CDCA2: variants seen among roughly 807,000 people sequenced by gnomAD.
CDCA2 encodes cell division cycle-associated protein 2.
A neutral mutation model predicts 67.0 loss-of-function variants in CDCA2; 44 were observed. The ratio of observed to expected loss-of-function variants is 0.66; its 90% CI spans 0.52 to 0.84. CDCA2 has a LOEUF of 0.84. Among genes scored for constraint, CDCA2 ranks in the 40% least tolerant of loss-of-function variants. The probability of loss-of-function intolerance (pLI) is 0.00; values close to 1 mark genes in which losing one functional copy is unlikely to be tolerated. For missense variants in CDCA2, 1,253 were observed against 1,203.2 expected, an observed-to-expected ratio of 1.04 and a Z score of -0.61; for synonymous variants, 447 against 418.7, an observed-to-expected ratio of 1.07 and a Z score of -0.82.
In CDCA2 at chr8:25,483,691, T is replaced by A. The variant is rs563018311; in HGVS notation, c.1120+205T>A. 2.3e-4 allele frequency among the ~76,000 whole-genome samples: 35 copies of A among 152,310 alleles called. No individual in the cohort carries two copies. The highest frequency in any genetic ancestry group is 1.3e-3 in the Admixed American group (20 of 15,304). On this transcript the variant is annotated intron_variant, in intron 9 of 14. Transcript: ENST00000330560. ...ATTTCATGGATCCATTTTTACTTAG[T>A]GGTGGTATTTGTAAAGAAAATTTAT...
intron 7 of CDCA2, among the ~76,000 whole-genome samples, chr8:25,474,536 A>G (rs1019975016): frequency 6.6e-6 from 1 of 152,108 alleles, no homozygotes; most frequent in Non-Finnish European, 1.5e-5. Context: ...TTAATTATTC[A>G]TAGTAGTTGC....
intron 9 of CDCA2, 94 bp downstream of exon 9, chr8:25,483,580 G>T (rs1453085122): frequency 1.2e-6 from 1 of 805,560 alleles, no homozygotes; most frequent in Admixed American, 2.7e-5. Flanking sequence ...GATCTATAAT[G>T]CCTTAGTGCT....
intron 13 of CDCA2, among the ~76,000 whole-genome samples, chr8:25,490,924 A>G (rs1167061209): frequency 6.6e-6 from 1 of 152,198 alleles, no homozygotes. Flanking sequence ...AAGGCAATTG[A>G]ATAGAACAAA....
chr8:25,500,129 C>T (rs144199142), intron 13 of CDCA2, among the ~76,000 whole-genome samples: 118 of 152,168 alleles, frequency 7.8e-4, no homozygotes, highest in African/African-American at 2.7e-3. Flanking sequence ...TTTATGTAAG[C>T]TTAACTGTAC....
At chr8:25,503,173 A>G (rs1804539787) in intron 13 of CDCA2, among the ~76,000 whole-genome samples, 200 bp from the exon 14 acceptor site, 1 of 152,112 alleles carries the variant, frequency 6.6e-6, no homozygotes, top group African/African-American at 2.4e-5. Context: ...GGTCCCAGCT[A>G]CTTGGGAGGC....
chr8:25,477,641 T>G lies in CDCA2; in HGVS notation c.821-2272T>G, dbSNP rs529322260. ...ATAAAGGATACCCAATGTGAACTCT[T>G]TCTAGGTGACTTCAAACATTATCAC... On this transcript the variant is annotated intron_variant, in intron 7 of 14. Coordinates refer to ENST00000330560, the MANE Select transcript of CDCA2 (RefSeq NM_152562.4). Among the ~76,000 whole-genome samples, 93 of 152,306 alleles carry G rather than the reference T, an allele frequency of 6.1e-4. 1 individual carries two copies. The highest frequency in any genetic ancestry group is 2.2e-3 in the African/African-American group (90 of 41,580).
Position 25,484,089 on chromosome 8 carries a change from G to A in CDCA2, c.1244G>A (p.Arg415His), listed in dbSNP as rs1314288211. The A allele has an allele frequency of 3.7e-6, 6 of 1,614,080 alleles. No individual in the cohort carries two copies. The highest frequency in any genetic ancestry group is 2.7e-5 in the African/African-American group (2 of 74,938). Residue 415 changes from arginine to histidine, a missense_variant, in exon 10 of 15, where the codon CGT becomes CAT. Transcript: ENST00000330560. ...TCTTTGCCAGCAAATACTCCATTGC[G>A]TAAAGGAGGAACACCTGTTTGTAAA... ...DESLPANTPLRKGGTPVCKKD... is the reference protein window; with the variant it reads ...DESLPANTPLHKGGTPVCKKD...
chr8:25,493,595 G>A (rs78858358), intron 13 of CDCA2, among the ~76,000 whole-genome samples: 125 of 152,310 alleles, frequency 8.2e-4, no homozygotes, highest in African/African-American at 2.8e-3. Flanking sequence ...GAAAGGAACA[G>A]TCTTCAAAAG....
chr8:25,507,562 G>T lies in CDCA2; in HGVS notation c.2896G>T (p.Gly966Cys). 6.2e-7 allele frequency: 1 copy of T among 1,614,148 alleles called. No homozygotes were observed. Among genetic ancestry groups the T allele is most frequent in the Non-Finnish European group, 8.5e-7 (1 of 1,180,024 alleles). ...AGAAAACAGCCAGGGCCCTGCTGCT[G>T]GTTCTTCCGATGAACCTGGTAAGAG... The part of the protein sequence containing the change: ...DPENSQGPAA[G>C]SSDEPGKRRK... The change falls in exon 15 of 15, where the codon GGT becomes TGT. Residue 966 changes from glycine to cysteine, a missense_variant. Transcript: ENST00000330560.
chr8:25,468,529 T>TGG (rs1251858719), intron 6 of CDCA2, 116 bp downstream of exon 6: 35 of 370,372 alleles, frequency 9.4e-5, no homozygotes, highest in East Asian at 6.9e-4. Context: ...CTGTGGTTCC[T>TGG]GGGGTGTGTG....
Position 25,488,579 on chromosome 8 carries a change from G to GT in CDCA2, c.1564dup (p.Cys522LeufsTer12). 4 of 1,611,920 alleles carry GT rather than the reference G, an allele frequency of 2.5e-6. No homozygotes were observed. The highest frequency in any genetic ancestry group is 3.4e-6 in the Non-Finnish European group (4 of 1,179,384). On this transcript the variant is annotated frameshift_variant, in exon 13 of 15. Transcript: ENST00000330560. LOFTEE classifies it high-confidence loss of function. ...ATTGGTCAGTGTTGTAGAAGAGAGT[G>GT]TTTGCAACTTATTGAATACAGAAGT...
chr8:25,473,892 T>A (rs1239592790), intron 7 of CDCA2, among the ~76,000 whole-genome samples: 1 of 152,174 alleles, frequency 6.6e-6, no homozygotes, highest in East Asian at 1.9e-4. Flanking sequence ...GAGACTATAA[T>A]CCTAATTCAA....
chr8:25,465,287 A>G (rs1802856659), intron 4 of CDCA2, among the ~76,000 whole-genome samples: 1 of 152,138 alleles, frequency 6.6e-6, no homozygotes, highest in Admixed American at 6.6e-5. Context: ...TCTGTATGAT[A>G]TCTTAAACGG....
intron 8 of CDCA2, among the ~76,000 whole-genome samples, chr8:25,480,417 GTTA>G (rs1239447649): frequency 1.3e-5 from 2 of 151,946 alleles, no homozygotes; most frequent in Non-Finnish European, 2.9e-5. Flanking sequence ...ATAATTATAT[GTTA>G]TTGATTCATT....
intron 13 of CDCA2, among the ~76,000 whole-genome samples, chr8:25,502,229 A>G (rs1184286984): frequency 6.6e-6 from 1 of 152,160 alleles, no homozygotes; most frequent in African/African-American, 2.4e-5. Flanking sequence ...TGTTGGCCCT[A>G]AATTCTGGTT....
chr8:25,497,503 AAAT>A lies in CDCA2; in HGVS notation c.1672-5867_1672-5865del, dbSNP rs1464368593. The stretch of plus-strand genomic sequence containing the variant: ...ACATGTGGAATCTTTAAAAAATAAA[AAAT>A]AAAAAAAAAAAAAACTCACAGAAGC... On this transcript the variant is annotated intron_variant, in intron 13 of 14. Coordinates refer to ENST00000330560, the MANE Select transcript of CDCA2 (RefSeq NM_152562.4). Among the ~76,000 whole-genome samples the A allele has an allele frequency of 1.4e-3, 38 of 28,018 alleles. 5 individuals carry two copies. The highest frequency in any genetic ancestry group is 1.5e-3 in the Non-Finnish European group (8 of 5,280). 18.4% of individuals were successfully genotyped at this position (28,018 alleles called of 152,430 possible).
chr8:25,477,792 C>T (rs1000541964), intron 7 of CDCA2, among the ~76,000 whole-genome samples: 3 of 152,132 alleles, frequency 2.0e-5, no homozygotes, highest in Non-Finnish European at 4.4e-5. Flanking sequence ...TGAACATAGT[C>T]AAATAGGTCT....
chr8:25,460,521 A>G lies in CDCA2; in HGVS notation c.199A>G (p.Ile67Val). The G allele has an allele frequency of 1.2e-6, 2 of 1,614,172 alleles. No homozygotes were observed. Among genetic ancestry groups the G allele is most frequent in the Non-Finnish European group, 1.7e-6 (2 of 1,180,026 alleles). ...CACAGTAACCGTAGAGCAATTGGGA[A>G]TTACACCTGAAAGCTTTGTTAGGAA... The part of the protein sequence containing the change: ...FSTVTVEQLG[I>V]TPESFVRNSA... Residue 67 changes from isoleucine (I) to valine (V), a missense_variant, in exon 3 of 15, where the codon ATT (isoleucine) becomes GTT (valine). Ile to Val is a conservative substitution (Grantham distance 29). Transcript: ENST00000330560.
At chr8:25,462,469 A>G (rs768011465) in intron 4 of CDCA2, among the ~76,000 whole-genome samples, 1 of 113,862 alleles carries the variant, frequency 8.8e-6, no homozygotes, top group Non-Finnish European at 2.0e-5. Flanking sequence ...TCTACTAAAA[A>G]TACGAAAATT....
Sources: allele counts gnomAD v4.1 joint callset (sites outside exome capture counted in the v4.1 genomes callset), GRCh38; gene constraint gnomAD v4.1.1; transcripts MANE v1.5; gene names NCBI Gene and HGNC (gene_info 2026-07-23, HGNC 2026-07-21).